The following SYN3 variants were observed in gnomAD, a reference collection of about 807,000 sequenced individuals.
The protein encoded by SYN3 is synapsin III.
A neutral mutation model predicts 65.8 loss-of-function variants in SYN3; 35 were observed. The ratio of observed to expected loss-of-function variants is 0.53; its 90% confidence interval spans 0.41 to 0.70. The LOEUF (loss-of-function observed/expected upper bound fraction) is 0.70. SYN3 is among the 30% of genes least tolerant of loss of function. The pLI, the probability that SYN3 is intolerant of heterozygous loss-of-function variation, is 0.00. For synonymous variants in SYN3, 270 were observed against 292.9 expected (o/e 0.92, Z 0.80); for missense variants, 680 against 749.0 (o/e 0.91, Z 1.08).
chr22:33,028,643 A>ATGGTGGTGGTGGTGGTGGTGGTGGTGG (rs133971), intron 1 of SYN3, among the ~76,000 whole-genome samples: 18 of 93,120 alleles, frequency 1.9e-4, no homozygotes, highest in South Asian at 4.4e-4. Flanking sequence ...AAGAACCATG[A>ATGGTGGTGGTGGTGGTGGTGGTGGTGG]TGGTGGTGGT....
chr22:32,562,478 A>G (rs4274683), intron 7 of SYN3, among the ~76,000 whole-genome samples: 7,964 of 152,286 alleles, frequency 0.052, 396 homozygotes, highest in East Asian at 0.23. Flanking sequence ...CACCTGTGAA[A>G]TGATTGCCCC....
chr22:32,593,426 A>G (rs2059154795), intron 7 of SYN3, among the ~76,000 whole-genome samples: 1 of 152,152 alleles, frequency 6.6e-6, no homozygotes. Context: ...GCTGTCCAAG[A>G]TAGTGGAAAT....
At chr22:32,983,616 A>AT (rs71696969) in intron 2 of SYN3, among the ~76,000 whole-genome samples, 3 of 150,814 alleles carry the variant, frequency 2.0e-5, no homozygotes, top group Non-Finnish European at 3.0e-5. Context: ...CAAGATTTTG[A>AT]TTTTTTTTTT....
At chr22:32,770,398 T>C (rs531286975) in intron 6 of SYN3, among the ~76,000 whole-genome samples, 13 of 152,258 alleles carry the variant, frequency 8.5e-5, no homozygotes, top group Middle Eastern at 3.4e-3. Flanking sequence ...CTCCTTACCA[T>C]GAGCCACAGG....
At chr22:32,551,232 A>G (rs1228200148) in intron 7 of SYN3, among the ~76,000 whole-genome samples, 1 of 152,188 alleles carries the variant, frequency 6.6e-6, no homozygotes, top group Admixed American at 6.5e-5. Flanking sequence ...GAAACTTGAT[A>G]ATGTGTGGAT....
intron 1 of SYN3, among the ~76,000 whole-genome samples, chr22:33,041,855 C>CT: frequency 6.6e-6 from 1 of 152,258 alleles, no homozygotes; most frequent in East Asian, 1.9e-4. Context: ...GGTACTCCCT[C>CT]TCTCCCCCTG....
At chr22:32,627,805 A>C (rs560986216) in intron 6 of SYN3, among the ~76,000 whole-genome samples, 14 of 146,128 alleles carry the variant, frequency 9.6e-5, no homozygotes, top group African/African-American at 3.5e-4. Flanking sequence ...ACAAACACAG[A>C]GGAGCATTTT....
chr22:32,918,386 A>G (rs970339803), intron 4 of SYN3, among the ~76,000 whole-genome samples: 1 of 152,212 alleles, frequency 6.6e-6, no homozygotes, highest in Non-Finnish European at 1.5e-5. Context: ...TCATTCAATG[A>G]ACAAATAGTT....
chr22:32,956,112 C>A lies in SYN3; in HGVS notation c.369+24533G>T, dbSNP rs148911879. On this transcript the variant is annotated intron_variant, in intron 3 of 13. Transcript: ENST00000358763. ...GTAGAGAACCCTAATACCGCCCCCC[C>A]CAAAAAATGTTATACAGAACCTGTC... Among the ~76,000 whole-genome samples the A allele has an allele frequency of 4.7e-3, 664 of 142,488 alleles. 16 individuals carry two copies. In the East Asian group the frequency reaches 0.067, roughly 14 times the overall value. The allele number at this position is 142,488 out of a possible 152,430, so 93.5% of individuals were successfully genotyped here. A position where few individuals can be genotyped will look rare whatever the true frequency, so the allele number is the denominator to read the frequency against.
chr22:32,644,983 T>A (rs933142028), intron 6 of SYN3, among the ~76,000 whole-genome samples: 2 of 151,592 alleles, frequency 1.3e-5, no homozygotes, highest in Non-Finnish European at 2.9e-5. Flanking sequence ...TAGCAGGAAG[T>A]GGTTGGGGAA....
chr22:32,631,554 T>C (rs1405598788), intron 6 of SYN3, among the ~76,000 whole-genome samples: 3 of 152,146 alleles, frequency 2.0e-5, no homozygotes, highest in Non-Finnish European at 4.4e-5. Flanking sequence ...GGAAGGACCT[T>C]AGGAAACCAC....
chr22:33,051,100 A>G (rs1171278251), intron 1 of SYN3, among the ~76,000 whole-genome samples: 1 of 152,130 alleles, frequency 6.6e-6, no homozygotes, highest in South Asian at 2.1e-4. Flanking sequence ...TGCGATTTAC[A>G]AGGGAGAGAA....
intron 6 of SYN3, among the ~76,000 whole-genome samples, chr22:32,836,441 G>A (rs944136858): frequency 1.3e-5 from 2 of 152,138 alleles, no homozygotes; most frequent in Admixed American, 1.3e-4. Flanking sequence ...TTATAGTTCT[G>A]CCATTACCCA....
chr22:32,817,309 G>A (rs749234959), intron 6 of SYN3, among the ~76,000 whole-genome samples: 3 of 152,136 alleles, frequency 2.0e-5, no homozygotes, highest in Non-Finnish European at 4.4e-5. Flanking sequence ...GCTCTGAGAA[G>A]TCCTGCTGCA....
intron 1 of SYN3, among the ~76,000 whole-genome samples, chr22:33,037,313 A>G (rs1176141844): frequency 6.6e-6 from 1 of 152,102 alleles, no homozygotes; most frequent in East Asian, 1.9e-4. Flanking sequence ...TTCTGGCTCC[A>G]AAGTCTGAGC....
At chr22:32,885,906 C>T (rs1202558680) in intron 4 of SYN3, among the ~76,000 whole-genome samples, 1 of 152,110 alleles carries the variant, frequency 6.6e-6, no homozygotes, top group Non-Finnish European at 1.5e-5. Flanking sequence ...ACAGAATGAC[C>T]ACAGCTGGCT....
intron 1 of SYN3, among the ~76,000 whole-genome samples, chr22:33,011,414 G>C (rs566391668): frequency 2.0e-5 from 3 of 152,220 alleles, no homozygotes; most frequent in African/African-American, 7.2e-5. Context: ...TTGCATTCCT[G>C]GGATAAACCC....
chr22:32,952,916 T>C (rs751383134), intron 3 of SYN3, among the ~76,000 whole-genome samples: 17 of 152,348 alleles, frequency 1.1e-4, no homozygotes, highest in South Asian at 2.1e-4. Flanking sequence ...TTAGCCTTCT[T>C]ATGCCTTAGT....
chr22:32,626,760 C>A (rs1015500117), intron 6 of SYN3, among the ~76,000 whole-genome samples: 3 of 152,180 alleles, frequency 2.0e-5, no homozygotes, highest in Non-Finnish European at 2.9e-5. Context: ...ACACTGGGTG[C>A]CCCGAGTGTG....
Sources: allele counts gnomAD v4.1 joint callset (sites outside exome capture counted in the v4.1 genomes callset), GRCh38; gene constraint gnomAD v4.1.1; transcripts MANE v1.5; gene names NCBI Gene and HGNC (gene_info 2026-07-23, HGNC 2026-07-21).